DZANK1: variants seen among roughly 807,000 people sequenced by gnomAD.
The protein encoded by DZANK1 is double zinc ribbon and ankyrin repeat domains 1.
Under a neutral mutation model 94.5 loss-of-function variants are expected in DZANK1, and 91 were observed. The ratio of observed to expected loss-of-function variants is 0.96; its 90% CI spans 0.81 to 1.15. DZANK1 has a LOEUF of 1.15. DZANK1 is among the 50% of genes most tolerant of loss of function. The pLI, the probability that DZANK1 is intolerant of heterozygous loss-of-function variation, is 0.00. For missense variants in DZANK1, 903 were observed against 916.4 expected (o/e 0.99, Z 0.19); for synonymous variants, 312 against 325.3 (o/e 0.96, Z 0.44).
exon 21 of DZANK1, chr20:18,383,549 G>A (rs2048310460): frequency 6.6e-6 from 1 of 152,170 alleles, no homozygotes; most frequent in Non-Finnish European, 1.5e-5. Flanking sequence ...ACAGTGTGTG[G>A]TTGGTTTGCT....
chr20:18,414,694 C>G (rs2057405341), intron 11 of DZANK1, among the ~76,000 whole-genome samples, 182 bp from the exon 12 acceptor site: 1 of 152,194 alleles, frequency 6.6e-6, no homozygotes, highest in African/African-American at 2.4e-5. Flanking sequence ...CCCTAAAACA[C>G]TGTGGTTTTA....
intron 9 of DZANK1, among the ~76,000 whole-genome samples, chr20:18,429,462 C>A (rs1424327799): frequency 6.6e-6 from 1 of 152,120 alleles, no homozygotes; most frequent in Non-Finnish European, 1.5e-5. Context: ...AGGTTCACAG[C>A]AAAATTGAGT....
At chr20:18,421,943 A>G (rs911518393) in intron 10 of DZANK1, among the ~76,000 whole-genome samples, 7 of 152,072 alleles carry the variant, frequency 4.6e-5, no homozygotes, top group Non-Finnish European at 1.0e-4. Flanking sequence ...TGAGTTCCTT[A>G]TATGTACTGG....
chr20:18,455,393 T>A (rs992262668), intron 3 of DZANK1, 32 bp from the exon 4 acceptor site: 1 of 1,478,924 alleles, frequency 6.8e-7, no homozygotes, highest in African/African-American at 1.4e-5. Flanking sequence ...GGAAAAAGTC[T>A]GTGTTACACA....
intron 2 of DZANK1, among the ~76,000 whole-genome samples, chr20:18,460,722 C>A (rs2059446624): frequency 6.6e-6 from 1 of 151,202 alleles, no homozygotes; most frequent in Admixed American, 6.6e-5. Context: ...GAGCGAGACT[C>A]CGTCTCAAAA....
intron 10 of DZANK1, among the ~76,000 whole-genome samples, chr20:18,423,069 C>T (rs1038866250): frequency 2.5e-4 from 38 of 151,966 alleles, no homozygotes; most frequent in African/African-American, 8.5e-4. Flanking sequence ...TGACAGTGGG[C>T]CCCATCATAT....
At chr20:18,419,540 A>G (rs2057671303) in intron 10 of DZANK1, among the ~76,000 whole-genome samples, 1 of 152,224 alleles carries the variant, frequency 6.6e-6, no homozygotes, top group Non-Finnish European at 1.5e-5. Flanking sequence ...AAGCAGCAAG[A>G]GAAAAATGAC....
At position 18,405,969 on chromosome 20, in the gene DZANK1, G is replaced by C. The variant is rs530778115; in HGVS notation, c.1432+6677C>G. Among the ~76,000 whole-genome samples, 7 of 152,324 alleles carry C rather than the reference G, an allele frequency of 4.6e-5. No individual in the cohort carries two copies. In the South Asian group the frequency reaches 1.2e-3, roughly 27 times the overall value. The stretch of plus-strand genomic sequence containing the variant: ...TGAAAATAAAGCCGTGCTGGGCTCA[G>C]CCAGTGCCCGCACATGGAGGGAGCA... On this transcript the variant is annotated intron_variant, in intron 13 of 20. Coordinates refer to ENST00000262547, the Ensembl canonical transcript of DZANK1.
chr20:18,463,670 TCTC>T (rs1373080662), intron 2 of DZANK1, among the ~76,000 whole-genome samples: 2 of 152,172 alleles, frequency 1.3e-5, no homozygotes, highest in Non-Finnish European at 2.9e-5. Context: ...TCACCCAACT[TCTC>T]CTAAGAATTA....
chr20:18,394,470 T>C, intron 15 of DZANK1, 120 bp from the exon 16 acceptor site: 1 of 988,784 alleles, frequency 1.0e-6, no homozygotes, highest in East Asian at 2.6e-5. Flanking sequence ...ACCCAGAGAG[T>C]GGAGCCTGAG....
At position 18,455,246 on chromosome 20, in the gene DZANK1, C is replaced by A; in HGVS notation, c.378+1G>T. ...GAATGGATTATAGTTTCATTACTTG[C>A]CTGCCTTGAAGAATCTTTGAGAACA... On this transcript the variant is annotated splice_donor_variant, in intron 4 of 20. Coordinates refer to ENST00000262547, the Ensembl canonical transcript of DZANK1. LOFTEE classifies it high-confidence loss of function. The A allele has an allele frequency of 6.3e-7, 1 of 1,594,392 alleles. No individual in the cohort carries two copies. The highest frequency in any genetic ancestry group is 8.6e-7 in the Non-Finnish European group (1 of 1,168,548).
At chr20:18,427,571 A>G (rs552033344) in intron 9 of DZANK1, among the ~76,000 whole-genome samples, 5 of 151,846 alleles carry the variant, frequency 3.3e-5, no homozygotes, top group Non-Finnish European at 7.4e-5. Flanking sequence ...TCAAAAGGTA[A>G]GTTGGAAATT....
At position 18,418,085 on chromosome 20, in the gene DZANK1, C is replaced by CA. The variant is rs888304604; in HGVS notation, c.955-2637dup. Reference sequence around the variant, plus strand: ...TGGGCGACAGAGCATGACTCTGTCTCAAAAAAAAAAATCTGCTGATAATAC... The same window carrying CA: ...TGGGCGACAGAGCATGACTCTGTCTCAAAAAAAAAAAATCTGCTGATAATAC... On this transcript the variant is annotated intron_variant, in intron 10 of 20. Coordinates refer to ENST00000262547, the Ensembl canonical transcript of DZANK1. Among the ~76,000 whole-genome samples, 224 of 141,594 alleles carry CA rather than the reference C, an allele frequency of 1.6e-3. 2 individuals are homozygous for CA. Among genetic ancestry groups the CA allele is most frequent in the East Asian group, 0.011 (54 of 4,878 alleles). The allele number at this position is 141,594 out of a possible 152,430, so 92.9% of individuals were successfully genotyped here.
chr20:18,448,689 A>G (rs926373818), intron 7 of DZANK1, among the ~76,000 whole-genome samples: 2 of 152,072 alleles, frequency 1.3e-5, no homozygotes, highest in African/African-American at 4.8e-5. Context: ...CAACATGGTA[A>G]AACCCCGTCT....
chr20:18,388,055 GAA>G (rs937767810), intron 19 of DZANK1, among the ~76,000 whole-genome samples: 14 of 152,338 alleles, frequency 9.2e-5, no homozygotes, highest in African/African-American at 3.4e-4. Flanking sequence ...CCAAACTCTT[GAA>G]ACTAACAGAT....
At chr20:18,406,221 G>A (rs1269178826) in intron 13 of DZANK1, among the ~76,000 whole-genome samples, 2 of 152,220 alleles carry the variant, frequency 1.3e-5, no homozygotes, top group African/African-American at 4.8e-5. Flanking sequence ...CAGCTGGCAT[G>A]GTTTAAGGAG....
At chr20:18,404,358 A>G (rs908382271) in intron 13 of DZANK1, among the ~76,000 whole-genome samples, 1 of 152,174 alleles carries the variant, frequency 6.6e-6, no homozygotes, top group African/African-American at 2.4e-5. Flanking sequence ...TGTGGTCAGG[A>G]AAGAGACAAA....
chr20:18,429,703 A>G (rs1254087779), intron 9 of DZANK1, among the ~76,000 whole-genome samples: 2 of 152,216 alleles, frequency 1.3e-5, no homozygotes, highest in Non-Finnish European at 2.9e-5. Flanking sequence ...TGTCTAAGTG[A>G]TGGTCTACTT....
At chr20:18,459,462 G>A (rs1278376247) in intron 3 of DZANK1, among the ~76,000 whole-genome samples, 4 of 152,088 alleles carry the variant, frequency 2.6e-5, no homozygotes, top group Admixed American at 6.5e-5. Flanking sequence ...TACTGCATTT[G>A]GTTTGGGGCT....
Sources: gnomAD v4.1 joint callset for allele counts (sites outside exome capture counted in the v4.1 genomes callset) on GRCh38, gnomAD v4.1.1 for gene constraint, MANE v1.5 for transcripts, NCBI Gene and HGNC (gene_info 2026-07-23, HGNC 2026-07-21) for gene names.